Variants in CNTNAP2 observed in about 807,000 individuals in gnomAD.
The protein encoded by CNTNAP2 is contactin associated protein 2, also known as contactin-associated protein-like 2.
A neutral mutation model predicts 155.2 loss-of-function variants in CNTNAP2; 98 were observed. That is an observed-to-expected ratio of 0.63 (90% CI 0.54 to 0.75). The LOEUF is 0.75. Among genes scored for constraint, CNTNAP2 ranks in the 30% least tolerant of loss-of-function variants. The probability of loss-of-function intolerance (pLI) is 0.00; values close to 1 mark genes in which losing one functional copy is unlikely to be tolerated. For synonymous variants in CNTNAP2, 651 were observed against 631.2 expected, an observed-to-expected ratio of 1.03 and a Z score of -0.47; for missense variants, 1,727 against 1,688.1, an observed-to-expected ratio of 1.02 and a Z score of -0.40.
In CNTNAP2 at chr7:147,448,065, G is replaced by A. The variant is rs184980725; in HGVS notation, c.1671-37870G>A. Among the ~76,000 whole-genome samples, 3 of 152,094 alleles carry A rather than the reference G, an allele frequency of 2.0e-5. No homozygotes were observed. In the East Asian group the frequency reaches 5.8e-4, roughly 29 times the overall value. ...ATTTATAATACAATGGATTTCAATC[G>A]ATGCCCTTTGCCATTAAATCACACT... is the stretch of plus-strand genomic sequence containing the variant. On this transcript the variant is annotated intron_variant, in intron 10 of 23. Coordinates refer to ENST00000361727, the MANE Select transcript of CNTNAP2 (RefSeq NM_014141.6).
At chr7:147,345,663 A>G (rs1187427137) in intron 9 of CNTNAP2, among the ~76,000 whole-genome samples, 3 of 134,740 alleles carry the variant, frequency 2.2e-5, no homozygotes, top group African/African-American at 8.8e-5. Flanking sequence ...CTGATGTTCA[A>G]AAAAGCTGGT....
intron 13 of CNTNAP2, among the ~76,000 whole-genome samples, chr7:147,791,464 T>G (rs1294680350): frequency 6.6e-6 from 1 of 151,716 alleles, no homozygotes; most frequent in Non-Finnish European, 1.5e-5. Context: ...TTTTTTTTTT[T>G]TTTTTTCATT....
At chr7:147,834,738 A>G (rs1798607659) in intron 13 of CNTNAP2, among the ~76,000 whole-genome samples, 2 of 152,172 alleles carry the variant, frequency 1.3e-5, no homozygotes, top group South Asian at 4.1e-4. Context: ...AATTCTGACT[A>G]ATTTTTGTCA....
intron 1 of CNTNAP2, among the ~76,000 whole-genome samples, chr7:146,275,454 A>T (rs890942173): frequency 1.6e-4 from 24 of 152,168 alleles, no homozygotes; most frequent in African/African-American, 5.8e-4. Flanking sequence ...AAGGGTATTG[A>T]TATAAAGAAT....
intron 1 of CNTNAP2, among the ~76,000 whole-genome samples, chr7:146,753,729 G>C (rs1381254909): frequency 6.6e-6 from 1 of 151,924 alleles, no homozygotes; most frequent in Non-Finnish European, 1.5e-5. Flanking sequence ...TATCATCAGA[G>C]GTTTCCATCT....
intron 8 of CNTNAP2, among the ~76,000 whole-genome samples, chr7:147,189,998 C>A (rs777518702): frequency 2.6e-5 from 4 of 152,142 alleles, no homozygotes; most frequent in Admixed American, 2.6e-4. Context: ...CCCGCCTCGG[C>A]CTCCCAAAGA....
intron 15 of CNTNAP2, among the ~76,000 whole-genome samples, chr7:148,029,693 C>T (rs1802437827): frequency 6.6e-6 from 1 of 152,170 alleles, no homozygotes; most frequent in East Asian, 1.9e-4. Context: ...AATACCTTGA[C>T]TCGATGGTAG....
intron 1 of CNTNAP2, among the ~76,000 whole-genome samples, chr7:146,530,029 G>A (rs1354044285): frequency 6.6e-6 from 1 of 151,876 alleles, no homozygotes; most frequent in African/African-American, 2.4e-5. Context: ...CTGCAAAAGG[G>A]GAAATTCCTC....
intron 1 of CNTNAP2, among the ~76,000 whole-genome samples, chr7:146,547,829 G>T (rs963661374): frequency 7.2e-6 from 1 of 137,942 alleles, no homozygotes; most frequent in African/African-American, 2.8e-5. Context: ...GCTCACGGTG[G>T]AATTACTTTA....
intron 1 of CNTNAP2, among the ~76,000 whole-genome samples, chr7:146,375,643 G>T (rs957460242): frequency 6.6e-6 from 1 of 152,082 alleles, no homozygotes. Context: ...TGAGATTTGA[G>T]GCATGTTTAA....
intron 10 of CNTNAP2, among the ~76,000 whole-genome samples, chr7:147,419,670 T>C (rs868797444): frequency 1.2e-4 from 18 of 152,294 alleles, no homozygotes; most frequent in African/African-American, 4.1e-4. Flanking sequence ...TTAGCATACA[T>C]CTCAGCTGGA....
At chr7:146,576,828 C>A (rs536512042) in intron 1 of CNTNAP2, among the ~76,000 whole-genome samples, 1 of 151,980 alleles carries the variant, frequency 6.6e-6, no homozygotes, top group African/African-American at 2.4e-5. Context: ...TCTAGTTTCA[C>A]GGATTCAGTG....
intron 11 of CNTNAP2, among the ~76,000 whole-genome samples, chr7:147,502,993 G>C (rs960721687): frequency 6.6e-6 from 1 of 152,060 alleles, no homozygotes; most frequent in Admixed American, 6.6e-5. Context: ...ATGATTCCAA[G>C]GCATAGGATG....
intron 22 of CNTNAP2, among the ~76,000 whole-genome samples, chr7:148,386,157 C>T (rs1413958183): frequency 2.0e-5 from 3 of 152,118 alleles, no homozygotes; most frequent in African/African-American, 7.2e-5. Flanking sequence ...GAAAAATTTC[C>T]ACTTACACTT....
intron 4 of CNTNAP2, among the ~76,000 whole-genome samples, chr7:147,094,143 CTG>C (rs1183501336): frequency 2.0e-5 from 3 of 152,278 alleles, no homozygotes; most frequent in East Asian, 3.9e-4. Flanking sequence ...AGAAGGGACT[CTG>C]TGGAGATCTT....
chr7:146,592,367 C>A (rs1299440890), intron 1 of CNTNAP2, among the ~76,000 whole-genome samples: 2 of 152,228 alleles, frequency 1.3e-5, no homozygotes. Flanking sequence ...TTAGTGCTGG[C>A]ATTACTGCCT....
chr7:146,566,420 C>T lies in CNTNAP2; in HGVS notation c.98-207851C>T, dbSNP rs371209889. ...AATTTTTAGACTTTTAGTGGAAGCGCTTTTATCTTGGAAGATTCCACTAAA... is the reference window on the plus strand; with the variant it reads ...AATTTTTAGACTTTTAGTGGAAGCGTTTTTATCTTGGAAGATTCCACTAAA... On this transcript the variant is annotated intron_variant, in intron 1 of 23. Transcript: ENST00000361727. Among the ~76,000 whole-genome samples the T allele has an allele frequency of 3.9e-5, 6 of 152,126 alleles. No homozygotes were observed. In the South Asian group the frequency reaches 8.3e-4, roughly 21 times the overall value.
chr7:147,353,245 C>A (rs1796001446), intron 9 of CNTNAP2, among the ~76,000 whole-genome samples: 1 of 151,578 alleles, frequency 6.6e-6, no homozygotes, highest in African/African-American at 2.4e-5. Context: ...GTTTGCTGCA[C>A]CAATCAACCT....
At position 147,683,580 on chromosome 7, in the gene CNTNAP2, ATAT is replaced by A. The variant is rs200713458; in HGVS notation, c.2098+44281_2098+44283del. Among the ~76,000 whole-genome samples the A allele has an allele frequency of 3.3e-3, 498 of 151,952 alleles. 3 individuals are homozygous for A. Among genetic ancestry groups the A allele is most frequent in the African/African-American group, 0.012 (479 of 41,532 alleles). Reference sequence around the variant, plus strand: ...GGTATGAACAACAATTACCTTGTCCATATTATTATCTCTTCCAGCTTTTTCAGA... The same window carrying A: ...GGTATGAACAACAATTACCTTGTCCATATTATCTCTTCCAGCTTTTTCAGA... On this transcript the variant is annotated intron_variant, in intron 13 of 23. Transcript: ENST00000361727.
Sources: allele counts gnomAD v4.1 joint callset (sites outside exome capture counted in the v4.1 genomes callset), GRCh38; gene constraint gnomAD v4.1.1; transcripts MANE v1.5; gene names NCBI Gene and HGNC (gene_info 2026-07-23, HGNC 2026-07-21).